MTRR: variants seen among roughly 807,000 people sequenced by gnomAD.
MTRR encodes methionine synthase reductase.
In MTRR, 63 loss-of-function variants were observed where a neutral mutation model predicts 79.2. The ratio of observed to expected loss-of-function variants is 0.80; its 90% confidence interval spans 0.65 to 0.98. The LOEUF (loss-of-function observed/expected upper bound fraction) is 0.98. Among genes scored for constraint, MTRR ranks in the 50% least tolerant of loss-of-function variants. MTRR has a pLI of 0.00. For missense variants in MTRR, 895 were observed against 839.6 expected, an observed-to-expected ratio of 1.07 and a Z score of -0.82; for synonymous variants, 355 against 313.3, an observed-to-expected ratio of 1.13 and a Z score of -1.41.
At chr5:7,898,091 C>T (rs1738840179) in intron 14 of MTRR, among the ~76,000 whole-genome samples, 1 of 152,210 alleles carries the variant, frequency 6.6e-6, no homozygotes, top group Non-Finnish European at 1.5e-5. Context: ...TAAAAGCTAG[C>T]TTTGGCTACT....
chr5:7,861,115 T>C, intron 1 of MTRR: 1 of 1,338,316 alleles, frequency 7.5e-7, no homozygotes, highest in Non-Finnish European at 1.1e-6. Context: ...TAGGATTTGC[T>C]TTTGGGAAAC....
chr5:7,860,590 G>A (rs1212078034), intron 1 of MTRR, among the ~76,000 whole-genome samples: 4 of 152,138 alleles, frequency 2.6e-5, no homozygotes, highest in Non-Finnish European at 4.4e-5. Flanking sequence ...GATTTAAGCC[G>A]AATTAACAAC....
intron 11 of MTRR, 98 bp downstream of exon 11, chr5:7,893,011 A>T: frequency 7.5e-7 from 1 of 1,336,066 alleles, no homozygotes; most frequent in Non-Finnish European, 1.0e-6. Context: ...CATTACTGTC[A>T]TAAGAAAATT....
chr5:7,878,187 C>T lies in MTRR; in HGVS notation c.645C>T (p.Asn215=), dbSNP rs1734907656. The T allele has an allele frequency of 6.2e-7, 1 of 1,614,194 alleles. No homozygotes were observed. Among genetic ancestry groups the T allele is most frequent in the Non-Finnish European group, 8.5e-7 (1 of 1,180,044 alleles). ...EVLKQNAVNS[N]QSNVVIEDFE... is the part of the protein sequence containing the mutation. ...TGAAGCAAAATGCAGTGAACAGCAACCAATCCAATGTTGTAATTGAAGACT... is the reference window on the plus strand; with the variant it reads ...TGAAGCAAAATGCAGTGAACAGCAATCAATCCAATGTTGTAATTGAAGACT... The change falls in exon 5 of 15, where the codon AAC becomes AAT. Residue 215 remains asparagine, a synonymous_variant. Coordinates refer to ENST00000440940, the MANE Select transcript of MTRR (RefSeq NM_002454.3).
At chr5:7,888,630 G>A (rs979155158) in intron 8 of MTRR, among the ~76,000 whole-genome samples, 2 of 152,190 alleles carry the variant, frequency 1.3e-5, no homozygotes, top group Non-Finnish European at 2.9e-5. Flanking sequence ...TGTCCTCCCT[G>A]TTAAGGAAGT....
intron 1 of MTRR, among the ~76,000 whole-genome samples, chr5:7,855,362 T>C (rs554472715): frequency 6.6e-5 from 10 of 151,376 alleles, no homozygotes; most frequent in South Asian, 6.3e-4. Context: ...AGATGAATAC[T>C]GAAGTATTTA....
intron 10 of MTRR, 152 bp downstream of exon 10, chr5:7,891,566 A>G: frequency 1.5e-6 from 1 of 670,388 alleles, no homozygotes; most frequent in Non-Finnish European, 2.6e-6. Flanking sequence ...AAGAAGAATC[A>G]TAGAGCTCCT....
In MTRR at chr5:7,886,762, A is replaced by C. The variant is rs1579733981; in HGVS notation, c.1146+59A>C. 5.8e-6 allele frequency: 8 copies of C among 1,380,046 alleles called. No homozygotes were observed. The East Asian group carries it at 1.8e-4, about 32-fold the overall frequency. 85.5% of individuals were successfully genotyped at this position (1,380,046 alleles called of 1,614,324 possible). A position where few individuals can be genotyped will look rare whatever the true frequency, so the allele number is the denominator to read the frequency against. On this transcript the variant is annotated intron_variant, in intron 8 of 14. Coordinates refer to ENST00000440940, the MANE Select transcript of MTRR (RefSeq NM_002454.3). ...TAAAATATGCTTAGCTTTATTTAGG[A>C]TTGATTAAACAAATTTAGAATATGC...
intron 10 of MTRR, among the ~76,000 whole-genome samples, chr5:7,892,464 A>G (rs928223743): frequency 6.6e-6 from 1 of 152,312 alleles, no homozygotes; most frequent in African/African-American, 2.4e-5. Context: ...TCCTTAGGGC[A>G]TATTAGATTT....
chr5:7,871,929 T>A (rs1397598000), intron 2 of MTRR, among the ~76,000 whole-genome samples: 1 of 152,226 alleles, frequency 6.6e-6, no homozygotes, highest in African/African-American at 2.4e-5. Flanking sequence ...ATCATAAAAC[T>A]AGTCCTGATT....
In MTRR at chr5:7,888,595, G is replaced by A. The variant is rs190579663; in HGVS notation, c.1147-500G>A. 2.6e-5 allele frequency among the ~76,000 whole-genome samples: 4 copies of A among 152,286 alleles called. No individual in the cohort carries two copies. The East Asian group carries it at 7.7e-4, about 29-fold the overall frequency. ...TCTTCAGCCAAACCTTTGGAAACCT[G>A]TGACTCCTTTGGGAACAGTGATTTT... is the stretch of plus-strand genomic sequence containing the variant. On this transcript the variant is annotated intron_variant, in intron 8 of 14. Transcript: ENST00000440940.
chr5:7,883,173 G>T lies in MTRR; in HGVS notation c.799G>T (p.Val267Leu), dbSNP rs2126727521. Residue 267 changes from valine (V) to leucine (L), a missense_variant, in exon 6 of 15, where the codon GTG becomes TTG. Val to Leu is a conservative substitution (Grantham distance 32). Transcript: ENST00000440940. ...TTTCAAGGAGGAAAGCCAAGTATCT[G>T]TGACTTCAGCAGATCCAGTTTTTCA... Reference protein sequence around the residue: ...SLGQEESQVSVTSADPVFQVP... With the variant: ...SLGQEESQVSLTSADPVFQVP... 6.2e-7 allele frequency: 1 copy of T among 1,614,248 alleles called. No homozygotes were observed. The highest frequency in any genetic ancestry group is 1.7e-5 in the Admixed American group (1 of 60,036).
At chr5:7,853,086 T>C in intron 1 of MTRR, among the ~76,000 whole-genome samples, 1 of 152,224 alleles carries the variant, frequency 6.6e-6, no homozygotes. Context: ...GATGGAGATA[T>C]GGTTAGGCTT....
chr5:7,897,261 G>T lies in MTRR; in HGVS notation c.1952+14G>T. 1 of 1,613,798 alleles carries T rather than the reference G, an allele frequency of 6.2e-7. No individual in the cohort carries two copies. The highest frequency in any genetic ancestry group is 8.5e-7 in the Non-Finnish European group (1 of 1,179,940). ...TTATGTGTGTGGGTGAGTCATTATC[G>T]TGCCTAAGTCGGGTAGGAGAGGGCC... is the stretch of plus-strand genomic sequence containing the variant. On this transcript the variant is annotated intron_variant, in intron 14 of 14. Transcript: ENST00000440940.
Position 7,884,642 on chromosome 5 carries a change from T to C in MTRR, c.904-1059T>C, listed in dbSNP as rs1052605952. Among the ~76,000 whole-genome samples, 4 of 152,190 alleles carry C rather than the reference T, an allele frequency of 2.6e-5. No homozygotes were observed. In the East Asian group the frequency reaches 7.7e-4, roughly 29 times the overall value. On this transcript the variant is annotated intron_variant, in intron 6 of 14. Transcript: ENST00000440940. ...GTACAGTTTTAGTCTGAGATGTGCC[T>C]CGATGCACCCCCTCCATGGGCCCCC...
chr5:7,858,468 CCT>C (rs1167170984), intron 1 of MTRR, among the ~76,000 whole-genome samples: 1 of 152,126 alleles, frequency 6.6e-6, no homozygotes, highest in Non-Finnish European at 1.5e-5. Context: ...GCTTCCATTG[CCT>C]CTCTCTTTCT....
chr5:7,890,117 T>G (rs947813578), intron 9 of MTRR: 10 of 272,836 alleles, frequency 3.7e-5, no homozygotes, highest in Non-Finnish European at 5.6e-5. Flanking sequence ...GTTATGCCTT[T>G]AACATTTGCA....
intron 2 of MTRR, chr5:7,862,970 C>T: frequency 6.2e-7 from 1 of 1,613,766 alleles, no homozygotes. Flanking sequence ...AATGACTTCA[C>T]TTGATATTTA....
Position 7,896,915 on chromosome 5 carries a change from G to T in MTRR, c.1728G>T (p.Leu576Phe). Residue 576 changes from leucine to phenylalanine, a missense_variant, in exon 13 of 15, where the codon TTG (leucine) becomes TTT (phenylalanine). Physicochemically the swap from Leu to Phe is conservative, Grantham distance 22. Transcript: ENST00000440940. ...ATGGAAATTTTGGAGCAATGTGGTT[G>T]TTTTTTGGCTGCAGGCATAAGGATA... ...HPDGNFGAMW[L>F]FFGCRHKDRD... 2 of 1,613,990 alleles carry T rather than the reference G, an allele frequency of 1.2e-6. No homozygotes were observed. The highest frequency in any genetic ancestry group is 1.7e-6 in the Non-Finnish European group (2 of 1,179,972).
Sources: gnomAD v4.1 joint callset for allele counts (sites outside exome capture counted in the v4.1 genomes callset) on GRCh38, gnomAD v4.1.1 for gene constraint, MANE v1.5 for transcripts, NCBI Gene and HGNC (gene_info 2026-07-23, HGNC 2026-07-21) for gene names.